Variants in DENND2B observed in about 807,000 individuals in gnomAD.
DENND2B encodes DENN domain-containing protein 2B.
DENND2B carries 32 observed loss-of-function variants against 116.0 expected under a neutral mutation model. The observed-to-expected ratio is 0.28, with a 90% CI of 0.21 to 0.37. DENND2B has a LOEUF of 0.37. Ranked by LOEUF, DENND2B falls within the 10% of genes least tolerant of loss-of-function variation. The pLI is 1.00. For missense variants in DENND2B, 1,276 were observed against 1,477.7 expected (o/e 0.86, Z 2.24); for synonymous variants, 588 against 583.9 (o/e 1.01, Z -0.10).
intron 1 of DENND2B, among the ~76,000 whole-genome samples, chr11:8,779,116 G>C (rs1231742055): frequency 6.6e-6 from 1 of 152,256 alleles, no homozygotes; most frequent in East Asian, 1.9e-4. Flanking sequence ...AGCAAACGAT[G>C]CAAGTGTGGG....
At chr11:8,787,010 C>G (rs1430928268) in intron 1 of DENND2B, 2 of 152,160 alleles carry the variant, frequency 1.3e-5, no homozygotes, top group Admixed American at 1.3e-4. Flanking sequence ...TACTGTAACA[C>G]AATCCTATGA....
At chr11:8,797,667 T>G (rs551367790) in intron 1 of DENND2B, among the ~76,000 whole-genome samples, 61 of 152,006 alleles carry the variant, frequency 4.0e-4, no homozygotes, top group Admixed American at 1.2e-3. Flanking sequence ...TCACTGAAGC[T>G]TCAAACTCTT....
chr11:8,760,547 G>A (rs2054422833), intron 1 of DENND2B, among the ~76,000 whole-genome samples: 1 of 152,112 alleles, frequency 6.6e-6, no homozygotes, highest in Admixed American at 6.5e-5. Flanking sequence ...GAGCCCAGAA[G>A]TCCAAGGCTG....
rs78017449 is a variant in DENND2B at position 8,840,621 on chromosome 11, T to C, written c.-155-1271A>G. Among the ~76,000 whole-genome samples, 687 of 152,310 alleles carry C rather than the reference T, an allele frequency of 4.5e-3. 8 individuals carry two copies. The highest frequency in any genetic ancestry group is 0.016 in the African/African-American group (656 of 41,572). The stretch of plus-strand genomic sequence containing the variant: ...CCTTTACAAGAGGGGCTCTCCTAAA[T>C]ATCAGTCCCGGCCAAGATGAAAGTT... On this transcript the variant is annotated intron_variant, in intron 3 of 6. Transcript: ENST00000524757.
At chr11:8,711,310 A>G (rs1206355833) in intron 9 of DENND2B, 79 bp from the exon 10 acceptor site, 23 of 1,269,320 alleles carry the variant, frequency 1.8e-5, no homozygotes, top group East Asian at 4.6e-5. Flanking sequence ...TCCTCCCCTG[A>G]GGGCCCTAGA....
At chr11:8,791,347 C>G (rs377588232) in intron 1 of DENND2B, among the ~76,000 whole-genome samples, 1 of 152,214 alleles carries the variant, frequency 6.6e-6, no homozygotes, top group East Asian at 1.9e-4. Context: ...CAAAAGAAAT[C>G]TGGTTGTATC....
chr11:8,854,473 A>G (rs1233500054), intron 3 of DENND2B, among the ~76,000 whole-genome samples: 1 of 152,094 alleles, frequency 6.6e-6, no homozygotes, highest in African/African-American at 2.4e-5. Context: ...AAGTGTTGAG[A>G]TTACAGACAT....
In DENND2B at chr11:8,730,163, G is replaced by T; in HGVS notation, c.1127C>A (p.Ser376Ter). ...CACAGCGGGATCGAGGGAACTCTTC[G>T]ATGGCAGCCGCTGGGAGCTAGGGCT... The part of the protein sequence containing the change: ...GNSPSSQRLP[S>*]KSSLDPAVNP... Residue 376 changes from serine (S) to a stop codon, truncating the protein, a stop_gained, in exon 3 of 20, where the codon TCG (serine) becomes TAG (stop). Coordinates refer to ENST00000313726, the MANE Select transcript of DENND2B (RefSeq NM_213618.2). LOFTEE classifies it high-confidence loss of function. This position sits in a 1 kb window ranked among gnomAD's most constrained non-coding sequence, Gnocchi z 4.1. 1 of 1,614,158 alleles carries T rather than the reference G, an allele frequency of 6.2e-7. No individual in the cohort carries two copies. The highest frequency in any genetic ancestry group is 1.1e-5 in the South Asian group (1 of 91,082).
intron 2 of DENND2B, among the ~76,000 whole-genome samples, chr11:8,738,397 G>C (rs981512369): frequency 6.6e-6 from 1 of 152,120 alleles, no homozygotes; most frequent in Non-Finnish European, 1.5e-5. Flanking sequence ...CAAAACACTG[G>C]AACGTCCCAG....
At chr11:8,822,743 T>TC (rs1209899130) in intron 4 of DENND2B, among the ~76,000 whole-genome samples, 2 of 152,206 alleles carry the variant, frequency 1.3e-5, no homozygotes, top group Non-Finnish European at 2.9e-5. Flanking sequence ...TTTCCTCCTT[T>TC]CCCTACCAAG....
chr11:8,854,955 G>A (rs1270315375), intron 3 of DENND2B, among the ~76,000 whole-genome samples: 1 of 152,012 alleles, frequency 6.6e-6, no homozygotes, highest in African/African-American at 2.4e-5. Flanking sequence ...CAAGTGATCC[G>A]CCTGCCTCGG....
At chr11:8,705,265 C>A (rs2133751100) in intron 13 of DENND2B, among the ~76,000 whole-genome samples, 1 of 152,310 alleles carries the variant, frequency 6.6e-6, no homozygotes, top group East Asian at 1.9e-4. Flanking sequence ...CTATTTCTCT[C>A]CACAGCCATG....
At chr11:8,782,128 A>ATTAGAC (rs1397948233) in intron 1 of DENND2B, among the ~76,000 whole-genome samples, 8 of 152,222 alleles carry the variant, frequency 5.3e-5, no homozygotes, top group Non-Finnish European at 1.0e-4. Context: ...ATACACAAAA[A>ATTAGAC]TTAGACTTTA....
rs762600233 is a variant in DENND2B at position 8,718,040 on chromosome 11, C to G, written c.1478-148G>C. The G allele has an allele frequency of 8.8e-6, 7 of 797,678 alleles. No homozygotes were observed. The African/African-American group carries it at 1.2e-4, about 14-fold the overall frequency. 49.4% of individuals were successfully genotyped at this position (797,678 alleles called of 1,614,324 possible). On this transcript the variant is annotated intron_variant, in intron 4 of 19. Transcript: ENST00000313726. Reference sequence around the variant, plus strand: ...TCAGCTCATGAGTCATGCAGCTGCCCGTCTGCAGTGGGGAGGCTACAAACA... The same window carrying G: ...TCAGCTCATGAGTCATGCAGCTGCCGGTCTGCAGTGGGGAGGCTACAAACA...
chr11:8,837,094 A>G (rs2134602602), intron 4 of DENND2B, among the ~76,000 whole-genome samples: 1 of 152,290 alleles, frequency 6.6e-6, no homozygotes, highest in South Asian at 2.1e-4. Context: ...GTCTTTGTCC[A>G]ACTCATTCTG....
chr11:8,885,545 A>C (rs1313067870), intron 1 of DENND2B, among the ~76,000 whole-genome samples: 1 of 152,240 alleles, frequency 6.6e-6, no homozygotes, highest in Non-Finnish European at 1.5e-5. Flanking sequence ...TGCATACTTA[A>C]TTAACATGTA....
chr11:8,759,274 C>T (rs1039260582), intron 1 of DENND2B, among the ~76,000 whole-genome samples: 1 of 152,218 alleles, frequency 6.6e-6, no homozygotes, highest in Non-Finnish European at 1.5e-5. Flanking sequence ...TACTTTTCTG[C>T]AGGCATAAAT....
In DENND2B at chr11:8,707,887, C is replaced by G; in HGVS notation, c.2353-33G>C. 1 of 1,590,304 alleles carries G rather than the reference C, an allele frequency of 6.3e-7. No individual in the cohort carries two copies. Among genetic ancestry groups the G allele is most frequent in the Non-Finnish European group, 8.6e-7 (1 of 1,168,622 alleles). ...AGGACAAGGAGGAGGAGGAGAGAGA[C>G]AGACACAGAGAATGCATGATTACCA... On this transcript the variant is annotated intron_variant, in intron 11 of 19. Coordinates refer to ENST00000313726, the MANE Select transcript of DENND2B (RefSeq NM_213618.2). The surrounding 1 kb of genome is among the most constrained non-coding windows in gnomAD (Gnocchi z 4.8).
chr11:8,870,614 G>A (rs779730692), intron 2 of DENND2B, among the ~76,000 whole-genome samples: 9 of 152,058 alleles, frequency 5.9e-5, no homozygotes, highest in Non-Finnish European at 1.2e-4. Context: ...GAGAGGCAAG[G>A]CGGTGCGCAG....
Sources: gnomAD v4.1 joint callset for allele counts (sites outside exome capture counted in the v4.1 genomes callset) on GRCh38, gnomAD v4.1.1 for gene constraint, Gnocchi (gnomAD v3.1) non-coding constraint, MANE v1.5 for transcripts, NCBI Gene and HGNC (gene_info 2026-07-23, HGNC 2026-07-21) for gene names.